DDX60L: variants seen among roughly 807,000 people sequenced by gnomAD.
The protein encoded by DDX60L is probable ATP-dependent RNA helicase DDX60-like.
In DDX60L, 191 loss-of-function variants were observed where a neutral mutation model predicts 211.6. That is an observed-to-expected ratio of 0.90 (90% CI 0.80 to 1.02). DDX60L has a LOEUF of 1.02. Among genes scored for constraint, DDX60L ranks in the 50% least tolerant of loss-of-function variants. The pLI, the probability that DDX60L is intolerant of heterozygous loss-of-function variation, is 0.00. For synonymous variants in DDX60L, 706 were observed against 694.1 expected (o/e 1.02, Z -0.27); for missense variants, 2,007 against 1,984.1 (o/e 1.01, Z -0.22).
chr4:168,380,532 A>G (rs571942759), intron 30 of DDX60L: 1 of 152,366 alleles, frequency 6.6e-6, no homozygotes, highest in Non-Finnish European at 1.5e-5. Flanking sequence ...CCTACCCAGA[A>G]GCAGAAGCTA....
intron 6 of DDX60L, among the ~76,000 whole-genome samples, chr4:168,457,168 A>T (rs1756675978): frequency 1.3e-5 from 2 of 151,720 alleles, no homozygotes; most frequent in Admixed American, 1.3e-4. Flanking sequence ...GTGATCCATG[A>T]TTGTGTCACT....
At position 168,358,074 on chromosome 4, in the gene DDX60L, T is replaced by C. The variant is rs1738428647; in HGVS notation, c.*73A>G. 1.5e-6 allele frequency: 2 copies of C among 1,358,158 alleles called. No individual in the cohort carries two copies. Among genetic ancestry groups the C allele is most frequent in the African/African-American group, 3.0e-5 (2 of 67,302 alleles). 84.1% of individuals were successfully genotyped at this position (1,358,158 alleles called of 1,614,324 possible). A position where few individuals can be genotyped will look rare whatever the true frequency, so the allele number is the denominator to read the frequency against. On this transcript the variant is annotated 3_prime_UTR_variant, in exon 38 of 38. Coordinates refer to ENST00000682922, the MANE Select transcript of DDX60L (RefSeq NM_001012967.3). ...GACAAACATTTTTTCCATTTCATTG[T>C]GTAAGCTTAATTATATCTCTCCTTG...
intron 29 of DDX60L, among the ~76,000 whole-genome samples, chr4:168,385,758 A>G (rs903056299): frequency 3.9e-5 from 6 of 152,226 alleles, no homozygotes; most frequent in East Asian, 1.9e-4. Flanking sequence ...TTATAGAGTG[A>G]CAGAATAGAA....
chr4:168,386,791 A>C (rs549372580), intron 29 of DDX60L, among the ~76,000 whole-genome samples: 1 of 152,322 alleles, frequency 6.6e-6, no homozygotes, highest in Non-Finnish European at 1.5e-5. Context: ...AAACAATGAC[A>C]GCAGAGAAGA....
chr4:168,398,067 T>C (rs1019992518), intron 26 of DDX60L, among the ~76,000 whole-genome samples: 22 of 151,778 alleles, frequency 1.4e-4, no homozygotes, highest in African/African-American at 4.1e-4. Context: ...CTTCCAGATA[T>C]AGCTGCAGCC....
At position 168,395,359 on chromosome 4, in the gene DDX60L, C is replaced by T. The variant is rs72695139; in HGVS notation, c.3657+600G>A. Among the ~76,000 whole-genome samples the T allele has an allele frequency of 5.4e-3, 817 of 152,116 alleles. 4 individuals carry two copies. The highest frequency in any genetic ancestry group is 0.01 in the Middle Eastern group (3 of 294). ...ATATAATATGGCCTTATTTTATTAA[C>T]GAATAAATACATGAAATGTCTATGT... On this transcript the variant is annotated intron_variant, in intron 27 of 37. Coordinates refer to ENST00000682922, the MANE Select transcript of DDX60L (RefSeq NM_001012967.3).
chr4:168,369,840 T>C (rs1740678649), intron 36 of DDX60L, among the ~76,000 whole-genome samples: 3 of 152,128 alleles, frequency 2.0e-5, no homozygotes, highest in Admixed American at 6.6e-5. Flanking sequence ...CTAATCATCA[T>C]AAAATGCCAA....
intron 6 of DDX60L, among the ~76,000 whole-genome samples, chr4:168,456,732 A>G (rs1756620262): frequency 1.3e-5 from 2 of 152,210 alleles, no homozygotes; most frequent in African/African-American, 4.8e-5. Flanking sequence ...ATAATAACCC[A>G]ATATGTATAC....
rs755374757 is a variant in DDX60L at position 168,406,631 on chromosome 4, G to A, written c.3055C>T (p.Gln1019Ter). ...ESIQLYDTMAQVWETWPRAQE... is the reference protein window; with the variant it reads ...ESIQLYDTMA ...GCCCTGGGCCAAGTTTCCCAGACTT[G>A]AGCCATGGTATCATAAAGCTGGATG... The change falls in exon 23 of 38, where the codon CAA becomes TAA. Residue 1019 changes from glutamine to a stop codon, truncating the protein, a stop_gained. Transcript: ENST00000682922. LOFTEE classifies it high-confidence loss of function. 16 of 1,603,456 alleles carry A rather than the reference G, an allele frequency of 1.0e-5. No homozygotes were observed. Among genetic ancestry groups the A allele is most frequent in the Admixed American group, 1.7e-5 (1 of 58,922 alleles).
intron 26 of DDX60L, among the ~76,000 whole-genome samples, chr4:168,399,649 T>C (rs1746442954): frequency 6.6e-6 from 1 of 152,044 alleles, no homozygotes; most frequent in African/African-American, 2.4e-5. Flanking sequence ...CTCCAAAGAA[T>C]GCCAAATAAC....
intron 1 of DDX60L, among the ~76,000 whole-genome samples, chr4:168,474,527 C>T (rs895126027): frequency 3.9e-5 from 6 of 152,170 alleles, no homozygotes; most frequent in African/African-American, 1.4e-4. Flanking sequence ...AATTTTCATA[C>T]AGAATCAAAG....
chr4:168,361,272 T>G (rs1323890704), intron 36 of DDX60L, 61 bp from the exon 37 acceptor site: 6 of 1,171,594 alleles, frequency 5.1e-6, no homozygotes, highest in Non-Finnish European at 5.0e-6. Context: ...AAGAATTAAC[T>G]CAAACTTTAA....
chr4:168,448,740 C>T lies in DDX60L; in HGVS notation c.1036G>A (p.Val346Ile), dbSNP rs751129492. 34 of 1,606,504 alleles carry T rather than the reference C, an allele frequency of 2.1e-5. No homozygotes were observed. The highest frequency in any genetic ancestry group is 4.5e-5 in the East Asian group (2 of 44,670). ...CEYFILSNLNVFGCWNLNLNH... is the reference protein window; with the variant it reads ...CEYFILSNLNIFGCWNLNLNH... ...AAATTCAGATTCCAGCATCCAAAAACGTTTAAGTTGCTTAAAATGAAATAT... is the reference window on the plus strand; with the variant it reads ...AAATTCAGATTCCAGCATCCAAAAATGTTTAAGTTGCTTAAAATGAAATAT... The change falls in exon 9 of 38, where the codon GTT becomes ATT. Residue 346 changes from valine (V) to isoleucine (I), a missense_variant. By Grantham distance (29) the Val-to-Ile change is conservative (BLOSUM62 3). Coordinates refer to ENST00000682922, the MANE Select transcript of DDX60L (RefSeq NM_001012967.3).
At chr4:168,374,491 G>A (rs1219596299) in intron 34 of DDX60L, among the ~76,000 whole-genome samples, 2 of 152,090 alleles carry the variant, frequency 1.3e-5, no homozygotes, top group Non-Finnish European at 2.9e-5. Context: ...TGGAAGCTTA[G>A]TTACTTTGCA....
At chr4:168,423,490 G>T in intron 15 of DDX60L, 118 bp downstream of exon 15, 1 of 675,800 alleles carries the variant, frequency 1.5e-6, no homozygotes, top group Non-Finnish European at 2.3e-6. Flanking sequence ...ACTAGAATCA[G>T]AGTAAACATA....
intron 1 of DDX60L, among the ~76,000 whole-genome samples, chr4:168,479,976 T>C (rs1385458111): frequency 4.9e-5 from 3 of 61,192 alleles, no homozygotes; most frequent in Admixed American, 2.2e-4. Context: ...AGAGCGAGAC[T>C]GACTCAAAAA....
chr4:168,402,538 A>G (rs1747015441), intron 25 of DDX60L, among the ~76,000 whole-genome samples: 1 of 152,188 alleles, frequency 6.6e-6, no homozygotes, highest in Non-Finnish European at 1.5e-5. Context: ...CCAATGAATT[A>G]GTTATTATCT....
At chr4:168,414,272 C>G (rs923095313) in intron 22 of DDX60L, among the ~76,000 whole-genome samples, 5 of 152,054 alleles carry the variant, frequency 3.3e-5, no homozygotes, top group Admixed American at 3.3e-4. Context: ...ATTAAGAAAC[C>G]ACCTGAAGGT....
Position 168,461,822 on chromosome 4 carries a change from T to C in DDX60L, c.483A>G (p.Leu161=). The C allele has an allele frequency of 3.1e-6, 5 of 1,607,700 alleles. No homozygotes were observed. The highest frequency in any genetic ancestry group is 4.3e-6 in the Non-Finnish European group (5 of 1,176,374). The change falls in exon 5 of 38, where the codon CTA becomes CTG. Residue 161 remains leucine, a synonymous_variant. Coordinates refer to ENST00000682922, the MANE Select transcript of DDX60L (RefSeq NM_001012967.3). The part of the protein sequence containing the change: ...SDLQTYLFNF[L]IIHSWGMKVN... Reference sequence around the variant, plus strand: ...CTTTCATTCCCCAGGAATGTATGATTAGGAAGTTAAAAAGGTACGTTTGTA... The same window carrying C: ...CTTTCATTCCCCAGGAATGTATGATCAGGAAGTTAAAAAGGTACGTTTGTA...
Sources: allele counts gnomAD v4.1 joint callset (sites outside exome capture counted in the v4.1 genomes callset), GRCh38; gene constraint gnomAD v4.1.1; transcripts MANE v1.5; gene names NCBI Gene and HGNC (gene_info 2026-07-23, HGNC 2026-07-21).